The following FSTL5 variants were observed in gnomAD, a reference collection of about 807,000 sequenced individuals.
FSTL5 encodes follistatin-related protein 5.
In FSTL5, 62 loss-of-function variants were observed where a neutral mutation model predicts 89.1. The observed-to-expected ratio is 0.70, with a 90% CI of 0.57 to 0.86. The LOEUF is 0.86. FSTL5 is among the 40% of genes least tolerant of loss of function. The pLI, the probability that FSTL5 is intolerant of heterozygous loss-of-function variation, is 0.00. For missense variants in FSTL5, 1,057 were observed against 1,001.6 expected, an observed-to-expected ratio of 1.06 and a Z score of -0.75; for synonymous variants, 383 against 346.2, an observed-to-expected ratio of 1.11 and a Z score of -1.18.
intron 4 of FSTL5, among the ~76,000 whole-genome samples, chr4:161,857,562 A>T (rs1388649904): frequency 6.6e-6 from 1 of 152,100 alleles, no homozygotes; most frequent in East Asian, 1.9e-4. Flanking sequence ...TTATAAACAC[A>T]TCTTTCCATC....
At chr4:162,117,429 T>C (rs1731684137) in intron 1 of FSTL5, among the ~76,000 whole-genome samples, 2 of 152,154 alleles carry the variant, frequency 1.3e-5, no homozygotes, top group African/African-American at 4.8e-5. Flanking sequence ...CATTGGGATA[T>C]AGGAACCCGG....
intron 4 of FSTL5, among the ~76,000 whole-genome samples, chr4:161,901,025 T>C (rs1332808070): frequency 6.6e-6 from 1 of 152,164 alleles, no homozygotes; most frequent in African/African-American, 2.4e-5. Context: ...TCTAAACCAC[T>C]TTTATTGTCA....
chr4:161,437,359 G>A lies in FSTL5; in HGVS notation c.1841+17645C>T, dbSNP rs552136170. On this transcript the variant is annotated intron_variant, in intron 15 of 15. Coordinates refer to ENST00000306100, the MANE Select transcript of FSTL5 (RefSeq NM_020116.5). Reference sequence around the variant, plus strand: ...AGGCGGGCGGATTACGAGGTCAGGAGATCGAGACCATCCTGGCTAACACGG... The same window carrying A: ...AGGCGGGCGGATTACGAGGTCAGGAAATCGAGACCATCCTGGCTAACACGG... Among the ~76,000 whole-genome samples, 4 of 152,114 alleles carry A rather than the reference G, an allele frequency of 2.6e-5. No individual in the cohort carries two copies. In the East Asian group the frequency reaches 7.8e-4, roughly 30 times the overall value.
intron 2 of FSTL5, among the ~76,000 whole-genome samples, chr4:162,074,541 A>G (rs1399666300): frequency 1.3e-5 from 2 of 151,806 alleles, no homozygotes; most frequent in African/African-American, 2.4e-5. Flanking sequence ...CAATAATATA[A>G]CAGACTTAAT....
chr4:161,452,802 C>A (rs1274106842), intron 15 of FSTL5, among the ~76,000 whole-genome samples: 3 of 152,004 alleles, frequency 2.0e-5, no homozygotes, highest in East Asian at 3.9e-4. Context: ...AAAGTAGTGA[C>A]AAAATACCCA....
intron 2 of FSTL5, among the ~76,000 whole-genome samples, chr4:162,064,824 T>C (rs1231871739): frequency 1.3e-5 from 2 of 151,906 alleles, no homozygotes; most frequent in Non-Finnish European, 2.9e-5. Flanking sequence ...TTCCTTCACC[T>C]CCCACCTCCT....
intron 6 of FSTL5, among the ~76,000 whole-genome samples, chr4:161,677,776 T>G (rs1737357666): frequency 6.6e-6 from 1 of 151,964 alleles, no homozygotes. Context: ...ACTACAATTA[T>G]GTTGTAAAAT....
chr4:161,617,230 G>A (rs1366069754), intron 7 of FSTL5, among the ~76,000 whole-genome samples: 2 of 151,870 alleles, frequency 1.3e-5, no homozygotes, highest in Admixed American at 6.6e-5. Context: ...AGTCAATTAG[G>A]GAACTTAAAT....
intron 4 of FSTL5, among the ~76,000 whole-genome samples, chr4:161,852,825 G>C (rs1209865528): frequency 1.3e-5 from 2 of 152,122 alleles, no homozygotes; most frequent in African/African-American, 4.8e-5. Context: ...CATGGATGGA[G>C]CTGGGGTCTG....
chr4:161,506,567 C>A (rs182202419), intron 11 of FSTL5, among the ~76,000 whole-genome samples: 54 of 152,148 alleles, frequency 3.5e-4, no homozygotes, highest in African/African-American at 1.3e-3. Context: ...GTCTTTTATT[C>A]TTTTCTGTAA....
intron 4 of FSTL5, among the ~76,000 whole-genome samples, chr4:161,815,059 ATTAT>A (rs750464241): frequency 6.6e-6 from 1 of 152,110 alleles, no homozygotes; most frequent in African/African-American, 2.4e-5. Context: ...CATCTTAAAA[ATTAT>A]TTGTCTGAAG....
chr4:161,675,567 T>G (rs554756093), intron 6 of FSTL5, among the ~76,000 whole-genome samples: 132 of 151,666 alleles, frequency 8.7e-4, no homozygotes, highest in Admixed American at 2.2e-3. Context: ...AACAGAGAAT[T>G]ACTGTATTAT....
intron 6 of FSTL5, among the ~76,000 whole-genome samples, chr4:161,663,808 C>T (rs1197323071): frequency 6.6e-6 from 1 of 152,224 alleles, no homozygotes; most frequent in African/African-American, 2.4e-5. Context: ...TCCATGAGGG[C>T]CCTGCCCCTG....
intron 12 of FSTL5, among the ~76,000 whole-genome samples, chr4:161,482,398 A>AT (rs140627920): frequency 0.17 from 25,756 of 152,080 alleles, 2,548 homozygotes; most frequent in East Asian, 0.38. Flanking sequence ...ATTTCATTTG[A>AT]TTTTTTGTCT....
chr4:161,959,770 G>A (rs1359182936), intron 3 of FSTL5, among the ~76,000 whole-genome samples: 1 of 151,980 alleles, frequency 6.6e-6, no homozygotes, highest in African/African-American at 2.4e-5. Context: ...GTGAGAATTG[G>A]ACATCTGAGA....
chr4:161,833,915 C>G (rs890969645), intron 4 of FSTL5, among the ~76,000 whole-genome samples: 15 of 152,012 alleles, frequency 9.9e-5, no homozygotes, highest in African/African-American at 3.6e-4. Flanking sequence ...TGAATTTGAT[C>G]CTGTCATTAT....
chr4:162,129,542 A>T (rs1732215724), intron 1 of FSTL5, among the ~76,000 whole-genome samples: 1 of 152,204 alleles, frequency 6.6e-6, no homozygotes, highest in Admixed American at 6.5e-5. Flanking sequence ...TCAACAGAAC[A>T]TTGTTTACAA....
At chr4:161,831,653 T>C (rs984249035) in intron 4 of FSTL5, among the ~76,000 whole-genome samples, 1 of 151,924 alleles carries the variant, frequency 6.6e-6, no homozygotes, top group Non-Finnish European at 1.5e-5. Context: ...ATAGAATCTT[T>C]ATTCTAATAT....
At chr4:161,456,067 T>C (rs1220890242) in intron 14 of FSTL5, among the ~76,000 whole-genome samples, 1 of 152,194 alleles carries the variant, frequency 6.6e-6, no homozygotes, top group Non-Finnish European at 1.5e-5. Context: ...TATACTTTCA[T>C]TGAGTTCCAT....
Sources: allele counts gnomAD v4.1 joint callset (sites outside exome capture counted in the v4.1 genomes callset), GRCh38; gene constraint gnomAD v4.1.1; transcripts MANE v1.5; gene names NCBI Gene and HGNC (gene_info 2026-07-23, HGNC 2026-07-21).